The following FSTL4 variants were observed in gnomAD, a reference collection of about 807,000 sequenced individuals.
The protein encoded by FSTL4 is follistatin like 4.
FSTL4 carries 28 observed loss-of-function variants against 78.2 expected under a neutral mutation model. That is an observed-to-expected ratio of 0.36 (90% CI 0.27 to 0.49). FSTL4 has a LOEUF of 0.49. FSTL4 is among the 20% of genes least tolerant of loss of function. FSTL4 has a pLI of 0.98. For missense variants in FSTL4, 922 were observed against 1,084.9 expected (o/e 0.85, Z 2.11); for synonymous variants, 422 against 440.5 (o/e 0.96, Z 0.53).
intron 11 of FSTL4, among the ~76,000 whole-genome samples, chr5:133,221,877 A>C (rs1465226939): frequency 8.3e-6 from 1 of 120,294 alleles, no homozygotes; most frequent in East Asian, 2.9e-4. Context: ...ATATGTAGAA[A>C]AATCTCTTTT....
intron 3 of FSTL4, among the ~76,000 whole-genome samples, chr5:133,444,707 G>C (rs551800939): frequency 1.3e-5 from 2 of 152,110 alleles, no homozygotes; most frequent in African/African-American, 4.8e-5. Flanking sequence ...GGCTTCTGCA[G>C]GGAGCTGGAT....
At chr5:133,286,528 C>T (rs1753133078) in intron 6 of FSTL4, among the ~76,000 whole-genome samples, 1 of 152,214 alleles carries the variant, frequency 6.6e-6, no homozygotes, top group South Asian at 2.1e-4. Flanking sequence ...TTTCTTCTCA[C>T]CCATAGGCTA....
At chr5:133,604,998 A>C (rs1760947481) in intron 1 of FSTL4, among the ~76,000 whole-genome samples, 1 of 152,242 alleles carries the variant, frequency 6.6e-6, no homozygotes, top group African/African-American at 2.4e-5. Flanking sequence ...TGAAAAAACT[A>C]AGGATCAGCT....
chr5:133,308,594 T>C (rs1181156631), intron 6 of FSTL4, among the ~76,000 whole-genome samples: 1 of 152,206 alleles, frequency 6.6e-6, no homozygotes, highest in East Asian at 1.9e-4. Context: ...CCAGGCACTA[T>C]TAGTTCCAAA....
chr5:133,540,292 G>C (rs1415105584), intron 3 of FSTL4, among the ~76,000 whole-genome samples: 1 of 151,632 alleles, frequency 6.6e-6, no homozygotes, highest in Non-Finnish European at 1.5e-5. Flanking sequence ...CTCTCTCTCT[G>C]TTGATTCTGT....
intron 3 of FSTL4, among the ~76,000 whole-genome samples, chr5:133,545,731 C>T (rs1005735565): frequency 2.0e-5 from 3 of 151,998 alleles, no homozygotes; most frequent in Non-Finnish European, 2.9e-5. Flanking sequence ...CAAAATTGTT[C>T]CAAAAAAGTG....
the FSTL4 span, among the ~76,000 whole-genome samples, chr5:133,701,874 G>T: frequency 6.6e-6 from 1 of 152,114 alleles, no homozygotes; most frequent in Non-Finnish European, 1.5e-5. Flanking sequence ...CAGGTCCTGT[G>T]ATAGCCCTGC....
At chr5:133,832,477 G>A in the FSTL4 span, among the ~76,000 whole-genome samples, 10 of 152,192 alleles carry the variant, frequency 6.6e-5, no homozygotes, top group Non-Finnish European at 1.2e-4. Flanking sequence ...GTGGACGAAG[G>A]CAATTCAGGC....
chr5:133,398,798 C>T (rs558343362), intron 4 of FSTL4, among the ~76,000 whole-genome samples: 1 of 152,310 alleles, frequency 6.6e-6, no homozygotes, highest in South Asian at 2.1e-4. Flanking sequence ...ACTGAGATGC[C>T]ACCCTTGGTC....
the FSTL4 span, among the ~76,000 whole-genome samples, chr5:133,739,596 C>A: frequency 6.6e-6 from 1 of 152,158 alleles, no homozygotes; most frequent in African/African-American, 2.4e-5. Flanking sequence ...CACAGCGTAA[C>A]CTAGGAGCCC....
At chr5:133,790,794 T>A in the FSTL4 span, among the ~76,000 whole-genome samples, 8 of 152,358 alleles carry the variant, frequency 5.3e-5, no homozygotes, top group South Asian at 1.7e-3. Context: ...TTAAGAAATC[T>A]TCTGTGTCCA....
intron 3 of FSTL4, among the ~76,000 whole-genome samples, chr5:133,454,793 C>G (rs1757451859): frequency 6.6e-6 from 1 of 152,174 alleles, no homozygotes; most frequent in African/African-American, 2.4e-5. Context: ...GGCTCTTTTT[C>G]TTTTCTGTGG....
chr5:133,483,644 T>C (rs1377632354), intron 3 of FSTL4, among the ~76,000 whole-genome samples: 1 of 152,224 alleles, frequency 6.6e-6, no homozygotes, highest in Non-Finnish European at 1.5e-5. Context: ...CCTTTTCCTT[T>C]TGGTGCTTCG....
At chr5:133,499,403 C>T (rs1758441628) in intron 3 of FSTL4, among the ~76,000 whole-genome samples, 1 of 148,960 alleles carries the variant, frequency 6.7e-6, no homozygotes, top group Admixed American at 6.6e-5. Flanking sequence ...CACACACACA[C>T]ACACACACAC....
chr5:133,562,131 G>A (rs534345709), intron 3 of FSTL4, among the ~76,000 whole-genome samples: 13 of 152,198 alleles, frequency 8.5e-5, no homozygotes, highest in African/African-American at 2.9e-4. Context: ...AAAGACCCAC[G>A]GCTCCAGGCA....
the FSTL4 span, among the ~76,000 whole-genome samples, chr5:133,711,569 T>C: frequency 6.6e-6 from 1 of 152,172 alleles, no homozygotes; most frequent in African/African-American, 2.4e-5. Flanking sequence ...TGCTCAGAAC[T>C]CCAGAAAGAA....
intron 4 of FSTL4, among the ~76,000 whole-genome samples, chr5:133,324,744 G>A (rs779318930): frequency 3.9e-5 from 6 of 152,236 alleles, no homozygotes; most frequent in Non-Finnish European, 8.8e-5. Context: ...AGGTGGGCTT[G>A]GAGAGTGGCT....
intron 3 of FSTL4, among the ~76,000 whole-genome samples, chr5:133,492,090 T>C (rs1468305773): frequency 1.3e-5 from 2 of 152,206 alleles, no homozygotes; most frequent in Non-Finnish European, 2.9e-5. Flanking sequence ...ATTTCTTTTC[T>C]TTTACAGGTT....
At chr5:133,675,314 A>G in the FSTL4 span, among the ~76,000 whole-genome samples, 1 of 152,238 alleles carries the variant, frequency 6.6e-6, no homozygotes, top group Non-Finnish European at 1.5e-5. Flanking sequence ...TTAAATTGAC[A>G]TTTTAAAAAA....
Sources: gnomAD v4.1 joint callset for allele counts (sites outside exome capture counted in the v4.1 genomes callset) on GRCh38, gnomAD v4.1.1 for gene constraint, MANE v1.5 for transcripts, NCBI Gene and HGNC (gene_info 2026-07-23, HGNC 2026-07-21) for gene names.